Variants in ZNF521 observed in about 807,000 individuals in gnomAD.
ZNF521 encodes LYST-interacting protein 3.
ZNF521 carries 14 observed loss-of-function variants against 105.5 expected under a neutral mutation model. The observed-to-expected ratio is 0.13, with a 90% CI of 0.09 to 0.21. ZNF521 has a LOEUF of 0.21. Ranked by LOEUF, ZNF521 falls within the 10% of genes least tolerant of loss-of-function variation. The pLI is 1.00. For synonymous variants in ZNF521, 635 were observed against 606.0 expected, an observed-to-expected ratio of 1.05 and a Z score of -0.70; for missense variants, 1,233 against 1,629.7, an observed-to-expected ratio of 0.76 and a Z score of 4.19.
intron 3 of ZNF521, among the ~76,000 whole-genome samples, chr18:25,308,107 C>CA (rs1912078890): frequency 6.9e-6 from 1 of 144,292 alleles, no homozygotes. Flanking sequence ...GAAGCTGAGA[C>CA]AGGAGAATCA....
rs1463491317 is a variant in ZNF521, at chr18:25,270,754, C to G, written c.221-43057G>C. On this transcript the variant is annotated intron_variant, in intron 3 of 7. Coordinates refer to ENST00000361524, the MANE Select transcript of ZNF521 (RefSeq NM_015461.3). ...CTTCATGTTAAAAACTCTTAATAAA[C>G]TAGGTATTGATGGAACGTATCTCAA... 5.3e-5 allele frequency among the ~76,000 whole-genome samples: 8 copies of G among 152,072 alleles called. 1 individual carries two copies. The highest frequency in any genetic ancestry group is 2.4e-5 in the African/African-American group (1 of 41,390).
rs184643518 is a variant in ZNF521 at position 25,248,143 on chromosome 18, C to A, written c.221-20446G>T. ...TACTTAAAGTCAGCTATCTTGACACCACACACACACACACGTCTGATAGGA... is the reference window on the plus strand; with the variant it reads ...TACTTAAAGTCAGCTATCTTGACACAACACACACACACACGTCTGATAGGA... On this transcript the variant is annotated intron_variant, in intron 3 of 7. Transcript: ENST00000361524. Among the ~76,000 whole-genome samples, 477 of 150,660 alleles carry A rather than the reference C, an allele frequency of 3.2e-3. 3 individuals are homozygous for A. Among genetic ancestry groups the A allele is most frequent in the African/African-American group, 0.011 (449 of 41,222 alleles).
chr18:25,129,290 T>C (rs2034597549), intron 5 of ZNF521, among the ~76,000 whole-genome samples: 1 of 139,974 alleles, frequency 7.1e-6, no homozygotes, highest in Non-Finnish European at 1.6e-5. Context: ...TATTAATTAA[T>C]CTGTGTCTAG....
At chr18:25,234,572 G>T (rs188386310) in intron 3 of ZNF521, among the ~76,000 whole-genome samples, 94 of 151,448 alleles carry the variant, frequency 6.2e-4, no homozygotes, top group African/African-American at 2.1e-3. Context: ...GAAAAATTTC[G>T]GCCTGCCTCA....
chr18:25,285,746 G>A (rs889006148), intron 3 of ZNF521, among the ~76,000 whole-genome samples: 8 of 151,896 alleles, frequency 5.3e-5, no homozygotes, highest in Non-Finnish European at 8.8e-5. Context: ...GCGCCTGCGC[G>A]CGCACATGCA....
chr18:25,320,110 A>G (rs1912857417), intron 3 of ZNF521, among the ~76,000 whole-genome samples: 1 of 152,212 alleles, frequency 6.6e-6, no homozygotes, highest in Middle Eastern at 3.2e-3. Context: ...CATTATTAAG[A>G]CAACTGCTGA....
At chr18:25,319,568 C>G (rs1018684954) in intron 3 of ZNF521, among the ~76,000 whole-genome samples, 1 of 150,924 alleles carries the variant, frequency 6.6e-6, no homozygotes, top group Non-Finnish European at 1.5e-5. Flanking sequence ...TGCACTCCAG[C>G]CTGGGCAACA....
chr18:25,181,437 G>A (rs550239218), intron 5 of ZNF521, among the ~76,000 whole-genome samples: 21 of 152,220 alleles, frequency 1.4e-4, no homozygotes, highest in African/African-American at 3.9e-4. Flanking sequence ...ATCAGTGGGG[G>A]AAAAATAATG....
At chr18:25,319,966 T>C (rs1358021103) in intron 3 of ZNF521, among the ~76,000 whole-genome samples, 1 of 152,120 alleles carries the variant, frequency 6.6e-6, no homozygotes, top group East Asian at 1.9e-4. Context: ...TGGTAGCTTC[T>C]CTTCAAAAAT....
Position 25,184,085 on chromosome 18 carries a change from C to G in ZNF521, c.3658+11075G>C, listed in dbSNP as rs539783859. 1.0e-3 allele frequency among the ~76,000 whole-genome samples: 156 copies of G among 152,112 alleles called. No homozygotes were observed. In the Middle Eastern group the frequency reaches 0.02, roughly 20 times the overall value. On this transcript the variant is annotated intron_variant, in intron 5 of 7. Transcript: ENST00000361524. ...TTCATTGAATCTGGAAATAATATCT[C>G]AAAAAACATAATTATATAAGGAAAT...
At chr18:25,287,225 T>TA (rs574444133) in intron 3 of ZNF521, among the ~76,000 whole-genome samples, 146 of 152,334 alleles carry the variant, frequency 9.6e-4, no homozygotes, top group African/African-American at 3.2e-3. Context: ...ACTGACTCCG[T>TA]AATCATTCTG....
chr18:25,226,760 G>C lies in ZNF521; in HGVS notation c.1158C>G (p.Ala386=). 6.2e-7 allele frequency: 1 copy of C among 1,614,088 alleles called. No homozygotes were observed. The highest frequency in any genetic ancestry group is 8.5e-7 in the Non-Finnish European group (1 of 1,179,996). The stretch of plus-strand genomic sequence containing the variant: ...CAGTCATGTCAGGGGTTTGTTGAGC[G>C]GCCCTCTTCCTCCCTCGACTCTTTG... ...PIPKSRGRKR[A]AQQTPDMTGP... Residue 386 remains alanine (A), a synonymous_variant, in exon 4 of 8, where the codon GCC becomes GCG. Coordinates refer to ENST00000361524, the MANE Select transcript of ZNF521 (RefSeq NM_015461.3). The surrounding 1 kb of genome is among the most constrained non-coding windows in gnomAD (Gnocchi z 4.1).
At chr18:25,309,025 G>A (rs1021489067) in intron 3 of ZNF521, among the ~76,000 whole-genome samples, 3 of 152,176 alleles carry the variant, frequency 2.0e-5, no homozygotes, top group Non-Finnish European at 4.4e-5. Context: ...AGCTCCATCT[G>A]TGAGTGACCA....
At chr18:25,077,152 G>T (rs8089286) in intron 7 of ZNF521, among the ~76,000 whole-genome samples, 1 of 152,110 alleles carries the variant, frequency 6.6e-6, no homozygotes, top group African/African-American at 2.4e-5. Flanking sequence ...TAAAAAATGC[G>T]GTCATCAGCC....
At chr18:25,129,504 A>G (rs953008007) in intron 5 of ZNF521, among the ~76,000 whole-genome samples, 10 of 151,972 alleles carry the variant, frequency 6.6e-5, no homozygotes, top group Non-Finnish European at 1.5e-5. Flanking sequence ...GAAGTTAAAA[A>G]CTTCTGCTCT....
chr18:25,322,366 T>C, intron 2 of ZNF521, 179 bp from the exon 3 acceptor site: 1 of 753,714 alleles, frequency 1.3e-6, no homozygotes, highest in Non-Finnish European at 2.4e-6. Context: ...ATTATTCAGT[T>C]AGTGACTATC....
intron 3 of ZNF521, among the ~76,000 whole-genome samples, chr18:25,233,713 C>T (rs546400393): frequency 6.1e-5 from 9 of 147,558 alleles, no homozygotes; most frequent in Non-Finnish European, 1.2e-4. Context: ...AAAAGAGGCT[C>T]GCTTTCCCCC....
intron 5 of ZNF521, among the ~76,000 whole-genome samples, chr18:25,094,940 G>GA (rs1455943564): frequency 6.6e-6 from 1 of 151,976 alleles, no homozygotes; most frequent in Non-Finnish European, 1.5e-5. Context: ...GGTAGTAAAA[G>GA]AAAATGAAAC....
chr18:25,338,084 C>A (rs567053106), intron 2 of ZNF521, among the ~76,000 whole-genome samples: 57 of 152,236 alleles, frequency 3.7e-4, no homozygotes, highest in Middle Eastern at 3.4e-3. Flanking sequence ...GGGTACATTA[C>A]CCCAGCTAGC....
Sources: gnomAD v4.1 joint callset for allele counts (sites outside exome capture counted in the v4.1 genomes callset) on GRCh38, gnomAD v4.1.1 for gene constraint, Gnocchi (gnomAD v3.1) non-coding constraint, MANE v1.5 for transcripts, NCBI Gene and HGNC (gene_info 2026-07-23, HGNC 2026-07-21) for gene names.